The following SIPA1L2 variants were observed in gnomAD, a reference collection of about 807,000 sequenced individuals.
The protein encoded by SIPA1L2 is signal induced proliferation associated 1 like 2.
A neutral mutation model predicts 163.9 loss-of-function variants in SIPA1L2; 56 were observed. The ratio of observed to expected loss-of-function variants is 0.34; its 90% CI spans 0.28 to 0.43. The LOEUF (loss-of-function observed/expected upper bound fraction) is 0.43, where lower values mean the gene tolerates loss of function less well. Among genes scored for constraint, SIPA1L2 ranks in the 20% least tolerant of loss-of-function variants. The pLI is 1.00. For synonymous variants in SIPA1L2, 877 were observed against 865.7 expected (o/e 1.01, Z -0.23); for missense variants, 1,974 against 2,193.5 (o/e 0.90, Z 2.00).
At position 232,555,157 on chromosome 1, in the gene SIPA1L2, G is replaced by A. The variant is rs140008599; in HGVS notation, c.-270+19017C>T. 2.5e-3 allele frequency among the ~76,000 whole-genome samples: 388 copies of A among 152,164 alleles called. 2 individuals carry two copies. The highest frequency in any genetic ancestry group is 8.6e-3 in the African/African-American group (359 of 41,522). The stretch of plus-strand genomic sequence containing the variant: ...TGAGAAAACAAGTGACTCTTCTTTC[G>A]AACAAATGAAACCACCCAAACATTA... On this transcript the variant is annotated intron_variant, in intron 2 of 22. Transcript: ENST00000674635.
At chr1:232,603,867 G>A (rs114086617) in intron 1 of SIPA1L2, among the ~76,000 whole-genome samples, 1 of 152,052 alleles carries the variant, frequency 6.6e-6, no homozygotes, top group Non-Finnish European at 1.5e-5. Flanking sequence ...TATCAGAAAA[G>A]TTCAAGTTAC....
chr1:232,409,575 G>A (rs1260865259), intron 19 of SIPA1L2, among the ~76,000 whole-genome samples: 4 of 152,182 alleles, frequency 2.6e-5, no homozygotes, highest in African/African-American at 9.7e-5. Flanking sequence ...TCAAAACCAG[G>A]CCTTAAGACA....
At chr1:232,499,741 G>A (rs750343268) in intron 3 of SIPA1L2, among the ~76,000 whole-genome samples, 10 of 152,200 alleles carry the variant, frequency 6.6e-5, no homozygotes, top group Non-Finnish European at 1.0e-4. Context: ...AAAAGAAGAT[G>A]CCATCCAGAA....
At chr1:232,484,053 T>C in intron 5 of SIPA1L2, 87 bp from the exon 6 acceptor site, 4 of 1,305,888 alleles carry the variant, frequency 3.1e-6, no homozygotes, top group Non-Finnish European at 4.2e-6. Flanking sequence ...AAGCTGAGAA[T>C]TGTTCTAGGA....
At chr1:232,491,115 TCA>T in intron 4 of SIPA1L2, 53 bp from the exon 5 acceptor site, 1 of 1,504,240 alleles carries the variant, frequency 6.6e-7, no homozygotes, top group Middle Eastern at 1.9e-4. Context: ...AATTACCTAC[TCA>T]CAGCCTAACT....
intron 1 of SIPA1L2, among the ~76,000 whole-genome samples, chr1:232,602,834 C>T (rs1661676006): frequency 6.6e-6 from 1 of 152,118 alleles, no homozygotes; most frequent in Non-Finnish European, 1.5e-5. Flanking sequence ...TACATGGGGC[C>T]GTTGAGCACC....
At position 232,462,844 on chromosome 1, in the gene SIPA1L2, T is replaced by A. The variant is rs76150853; in HGVS notation, c.2821-1683A>T. 4.2e-3 allele frequency among the ~76,000 whole-genome samples: 636 copies of A among 152,330 alleles called. 2 individuals carry two copies. The highest frequency in any genetic ancestry group is 6.8e-3 in the Non-Finnish European group (464 of 68,030). On this transcript the variant is annotated intron_variant, in intron 9 of 22. Coordinates refer to ENST00000674635, the MANE Select transcript of SIPA1L2 (RefSeq NM_020808.5). ...TCCAGAGTCCTCCAGCTCTGGCTCT[T>A]CTGCTCATTTCCTCCAATCACCTGC...
chr1:232,621,680 T>G (rs1253917174), intron 1 of SIPA1L2, among the ~76,000 whole-genome samples: 2 of 152,290 alleles, frequency 1.3e-5, no homozygotes, highest in East Asian at 3.9e-4. Context: ...CCCCAATTCT[T>G]TATTCTCTTC....
chr1:232,402,800 C>T lies in SIPA1L2; in HGVS notation c.4941-327G>A, dbSNP rs541988739. ...GGAACCAGTCAATTTCCCCAATTTG[C>T]CTTTCCCTATGATAACAATATTATG... On this transcript the variant is annotated intron_variant, in intron 21 of 22. Transcript: ENST00000674635. 145 of 191,840 alleles carry T rather than the reference C, an allele frequency of 7.6e-4. 1 individual carries two copies. The highest frequency in any genetic ancestry group is 3.0e-3 in the African/African-American group (127 of 42,590). 11.9% of individuals were successfully genotyped at this position (191,840 alleles called of 1,614,324 possible). A position where few individuals can be genotyped will look rare whatever the true frequency, so the allele number is the denominator to read the frequency against.
intron 1 of SIPA1L2, among the ~76,000 whole-genome samples, chr1:232,599,918 A>G (rs551881178): frequency 2.0e-5 from 3 of 152,366 alleles, no homozygotes; most frequent in South Asian, 2.1e-4. Flanking sequence ...TGCCTTCCTG[A>G]AAGTATGTTA....
chr1:232,549,439 T>C (rs563832327), intron 2 of SIPA1L2, among the ~76,000 whole-genome samples: 11 of 152,282 alleles, frequency 7.2e-5, no homozygotes, highest in African/African-American at 1.7e-4. Flanking sequence ...AAAAGGTATA[T>C]AGAATTAAAG....
In SIPA1L2 at chr1:232,461,027, A is replaced by T; in HGVS notation, c.2955T>A (p.Leu985=). 1 of 1,614,296 alleles carries T rather than the reference A, an allele frequency of 6.2e-7. No individual in the cohort carries two copies. Among genetic ancestry groups the T allele is most frequent in the Admixed American group, 1.7e-5 (1 of 60,036 alleles). Residue 985 remains leucine (L), a synonymous_variant, in exon 10 of 23, where the codon CTT becomes CTA. Coordinates refer to ENST00000674635, the MANE Select transcript of SIPA1L2 (RefSeq NM_020808.5). ...TCTCCACGAGGCGGCTCCCTTGGCG[A>T]AGGCCAGCCTTCCAGGCAAAGCCAA... ...EPFGFAWKAG[L]RQGSRLVEIC...
chr1:232,468,828 C>A (rs6672664), intron 8 of SIPA1L2, among the ~76,000 whole-genome samples: 2 of 152,034 alleles, frequency 1.3e-5, no homozygotes, highest in Non-Finnish European at 2.9e-5. Flanking sequence ...AAACATAAAT[C>A]CCTGACAGCT....
At chr1:232,445,215 A>G (rs1663142305) in intron 11 of SIPA1L2, among the ~76,000 whole-genome samples, 1 of 152,228 alleles carries the variant, frequency 6.6e-6, no homozygotes, top group South Asian at 2.1e-4. Context: ...TAGAGGCTCC[A>G]GCAGAATAGT....
intron 1 of SIPA1L2, among the ~76,000 whole-genome samples, chr1:232,613,138 T>C (rs552410835): frequency 2.0e-5 from 3 of 152,314 alleles, no homozygotes; most frequent in African/African-American, 4.8e-5. Context: ...TCCGCAGCCA[T>C]GTGAAACTGT....
rs368868940 is a variant in SIPA1L2, at chr1:232,460,895, C to T, written c.3087G>A (p.Ser1029=). 6.0e-5 allele frequency: 97 copies of T among 1,612,404 alleles called. No homozygotes were observed. Among genetic ancestry groups the T allele is most frequent in the Non-Finnish European group, 7.6e-5 (90 of 1,178,854 alleles). Residue 1029 remains serine (S), a synonymous_variant, in exon 10 of 23, where the codon TCG becomes TCA. Transcript: ENST00000674635. ...VVIIQPHDDG[S]PRRGCSELCR... ...GGCCTCCCACGCCTTACCTTCGGGGCGAGCCGTCATCATGGGGCTGGATGA... is the reference window on the plus strand; with the variant it reads ...GGCCTCCCACGCCTTACCTTCGGGGTGAGCCGTCATCATGGGGCTGGATGA...
At chr1:232,598,259 G>GC (rs1661389935) in intron 1 of SIPA1L2, among the ~76,000 whole-genome samples, 1 of 149,692 alleles carries the variant, frequency 6.7e-6, no homozygotes, top group Non-Finnish European at 1.5e-5. Context: ...AAAAAAATCA[G>GC]CCGGGTGTGC....
intron 1 of SIPA1L2, among the ~76,000 whole-genome samples, chr1:232,579,464 C>T (rs1660253485): frequency 6.6e-6 from 1 of 152,166 alleles, no homozygotes; most frequent in African/African-American, 2.4e-5. Context: ...ACTTAAAAAG[C>T]TCCCAGTACA....
At chr1:232,428,015 C>T (rs75269392) in intron 17 of SIPA1L2, among the ~76,000 whole-genome samples, 3,308 of 152,278 alleles carry the variant, frequency 0.022, 129 homozygotes, top group African/African-American at 0.076. Context: ...CTGTACTAGG[C>T]TCTTCAGACA....
Sources: gnomAD v4.1 joint callset for allele counts (sites outside exome capture counted in the v4.1 genomes callset) on GRCh38, gnomAD v4.1.1 for gene constraint, MANE v1.5 for transcripts, NCBI Gene and HGNC (gene_info 2026-07-23, HGNC 2026-07-21) for gene names.